The following ALDH8A1 variants were observed in gnomAD, a reference collection of about 807,000 sequenced individuals.
ALDH8A1 encodes 2-aminomuconic semialdehyde dehydrogenase.
Under a neutral mutation model 43.3 loss-of-function variants are expected in ALDH8A1, and 39 were observed. That is an observed-to-expected ratio of 0.90 (90% CI 0.70 to 1.18). The LOEUF (loss-of-function observed/expected upper bound fraction) is 1.18. Ranked by LOEUF, ALDH8A1 falls within the 50% of genes most tolerant of loss-of-function variation. The pLI is 0.00. For missense variants in ALDH8A1, 605 were observed against 622.6 expected (o/e 0.97, Z 0.30); for synonymous variants, 233 against 243.5 (o/e 0.96, Z 0.40).
At chr6:134,942,159 G>C (rs1354986077) in intron 3 of ALDH8A1, 7 of 264,436 alleles carry the variant, frequency 2.6e-5, no homozygotes, top group Non-Finnish European at 7.0e-6. Flanking sequence ...AGCAGAGGTT[G>C]CAGTGAGCCG....
rs1474046962 is a variant in ALDH8A1 at position 134,932,742 on chromosome 6, T to C, written c.849+34A>G. On this transcript the variant is annotated intron_variant, in intron 5 of 6. Transcript: ENST00000265605. ...AAACAGATCCAGCTTGACAGGGCCA[T>C]GGAGGGGAGGGAGAAGAACCCCCGG... The C allele has an allele frequency of 3.1e-6, 5 of 1,605,630 alleles. No individual in the cohort carries two copies. In the African/African-American group the frequency reaches 5.3e-5, roughly 17 times the overall value.
At chr6:134,945,930 G>C (rs1773941968) in intron 1 of ALDH8A1, among the ~76,000 whole-genome samples, 2 of 152,182 alleles carry the variant, frequency 1.3e-5, no homozygotes, top group South Asian at 2.1e-4. Context: ...ATGATAGTGA[G>C]TGAATTCTCG....
chr6:134,932,420 G>C (rs2072826), intron 5 of ALDH8A1, among the ~76,000 whole-genome samples: 101,431 of 151,862 alleles, frequency 0.67, 34,172 homozygotes, highest in East Asian at 0.75. Context: ...ACATTTGAAC[G>C]ACAAGCAAAG....
chr6:134,935,058 C>T (rs1485494122), intron 4 of ALDH8A1, among the ~76,000 whole-genome samples: 2 of 152,154 alleles, frequency 1.3e-5, no homozygotes, highest in Non-Finnish European at 2.9e-5. Context: ...TTCCCTTTGC[C>T]CCTCCTCCAA....
intron 4 of ALDH8A1, 26 bp downstream of exon 4, chr6:134,939,240 G>C: frequency 6.2e-7 from 1 of 1,610,358 alleles, no homozygotes; most frequent in Non-Finnish European, 8.5e-7. Flanking sequence ...CTCTGTGCCT[G>C]CCCCCCAACC....
chr6:134,942,699 C>T, intron 2 of ALDH8A1, 135 bp from the exon 3 acceptor site: 2 of 789,558 alleles, frequency 2.5e-6, no homozygotes, highest in Non-Finnish European at 2.0e-6. Context: ...ATTCCTTGAC[C>T]TCACAAAGAC....
chr6:134,918,026 G>A lies in ALDH8A1; in HGVS notation c.*389C>T, dbSNP rs1295501069. The A allele has an allele frequency of 2.4e-5, 5 of 208,646 alleles. No individual in the cohort carries two copies. The highest frequency in any genetic ancestry group is 4.8e-5 in the Non-Finnish European group (5 of 103,570). The allele number at this position is 208,646 out of a possible 1,614,324, so 12.9% of individuals were successfully genotyped here. ...GATCCACCCACCTTGGCCTCCCAAA[G>A]TGCTGGGATTATAGGCATGAGGCAC... On this transcript the variant is annotated 3_prime_UTR_variant, in exon 7 of 7. Coordinates refer to ENST00000265605, the MANE Select transcript of ALDH8A1 (RefSeq NM_022568.4).
At chr6:134,938,138 G>C (rs1773779027) in intron 4 of ALDH8A1, among the ~76,000 whole-genome samples, 1 of 152,248 alleles carries the variant, frequency 6.6e-6, no homozygotes, top group African/African-American at 2.4e-5. Flanking sequence ...GGAGAGCCCA[G>C]CAGTGCCTCT....
At chr6:134,927,721 C>T (rs1562252775) in intron 6 of ALDH8A1, among the ~76,000 whole-genome samples, 2 of 152,174 alleles carry the variant, frequency 1.3e-5, no homozygotes, top group African/African-American at 4.8e-5. Flanking sequence ...CAGGGAACCT[C>T]ACACTGAAGT....
At chr6:134,932,725 C>T in intron 5 of ALDH8A1, 51 bp downstream of exon 5, 1 of 1,590,600 alleles carries the variant, frequency 6.3e-7, no homozygotes, top group Non-Finnish European at 8.6e-7. Context: ...TAAAACAGAT[C>T]CAGCTTGACA....
chr6:134,927,743 C>T (rs1045863431), intron 6 of ALDH8A1, among the ~76,000 whole-genome samples: 2 of 152,272 alleles, frequency 1.3e-5, no homozygotes, highest in Middle Eastern at 3.4e-3. Flanking sequence ...CTGCCTGAGC[C>T]TGCTGAAAGG....
At chr6:134,930,192 A>C (rs1244995498) in intron 5 of ALDH8A1, among the ~76,000 whole-genome samples, 2 of 152,146 alleles carry the variant, frequency 1.3e-5, no homozygotes, top group East Asian at 3.9e-4. Context: ...CGCAGAGTGG[A>C]TGGTGGTGTT....
intron 6 of ALDH8A1, among the ~76,000 whole-genome samples, chr6:134,924,825 T>C (rs892192826): frequency 2.6e-5 from 4 of 152,224 alleles, no homozygotes; most frequent in Non-Finnish European, 5.9e-5. Context: ...ACTCACTAAA[T>C]TCTGTGTTTA....
intron 6 of ALDH8A1, among the ~76,000 whole-genome samples, chr6:134,923,746 T>C (rs1776841781): frequency 6.6e-6 from 1 of 152,204 alleles, no homozygotes; most frequent in South Asian, 2.1e-4. Context: ...GTCCACAGCT[T>C]CTGCAGCTGT....
intron 1 of ALDH8A1, among the ~76,000 whole-genome samples, chr6:134,946,773 C>A (rs915677802): frequency 6.7e-6 from 1 of 149,602 alleles, no homozygotes; most frequent in Non-Finnish European, 1.5e-5. Context: ...CACAGGTGCG[C>A]ATGTGTGCGC....
At chr6:134,941,595 G>A (rs934429063) in intron 3 of ALDH8A1, among the ~76,000 whole-genome samples, 2 of 152,120 alleles carry the variant, frequency 1.3e-5, no homozygotes, top group Admixed American at 6.5e-5. Flanking sequence ...TCGCCATGTT[G>A]GCCAGGCTGG....
rs190419015 is a variant in ALDH8A1, at chr6:134,948,796, T to G, written c.138+1120A>C. On this transcript the variant is annotated intron_variant, in intron 1 of 6. Coordinates refer to ENST00000265605, the MANE Select transcript of ALDH8A1 (RefSeq NM_022568.4). ...ATAGCTCATTCTATTTTCTAAAAAGTTATGAGCCATTAGCTGCAGGAAATA... is the reference window on the plus strand; with the variant it reads ...ATAGCTCATTCTATTTTCTAAAAAGGTATGAGCCATTAGCTGCAGGAAATA... Among the ~76,000 whole-genome samples the G allele has an allele frequency of 3.9e-3, 587 of 152,328 alleles. 3 individuals are homozygous for G. Among genetic ancestry groups the G allele is most frequent in the African/African-American group, 0.013 (526 of 41,576 alleles).
chr6:134,942,776 A>C (rs1773880566), intron 2 of ALDH8A1, among the ~76,000 whole-genome samples: 1 of 152,194 alleles, frequency 6.6e-6, no homozygotes, highest in East Asian at 1.9e-4. Flanking sequence ...TGGGGGGTTA[A>C]AATTGAGTCA....
rs1168071497 is a variant in ALDH8A1 at position 134,918,208 on chromosome 6, T to A, written c.*207A>T. 1 of 572,514 alleles carries A rather than the reference T, an allele frequency of 1.7e-6. No homozygotes were observed. Among genetic ancestry groups the A allele is most frequent in the African/African-American group, 1.9e-5 (1 of 53,578 alleles). 35.5% of individuals were successfully genotyped at this position (572,514 alleles called of 1,614,324 possible). ...CATCATTGTTCTATCTTCCTACTTA[T>A]AAGTCTTTTTTTCCGAGTCCACATT... On this transcript the variant is annotated 3_prime_UTR_variant, in exon 7 of 7. Transcript: ENST00000265605.
Sources: allele counts gnomAD v4.1 joint callset (sites outside exome capture counted in the v4.1 genomes callset), GRCh38; gene constraint gnomAD v4.1.1; transcripts MANE v1.5; gene names NCBI Gene and HGNC (gene_info 2026-07-23, HGNC 2026-07-21).